SHISA9: variants seen among roughly 807,000 people sequenced by gnomAD.
The protein encoded by SHISA9 is shisa family member 9, also known as protein shisa-9.
Under a neutral mutation model 38.0 loss-of-function variants are expected in SHISA9, and 13 were observed. The ratio of observed to expected loss-of-function variants is 0.34; its 90% CI spans 0.22 to 0.54. The LOEUF (loss-of-function observed/expected upper bound fraction) is 0.54, where lower values mean the gene tolerates loss of function less well. Ranked by LOEUF, SHISA9 falls within the 20% of genes least tolerant of loss-of-function variation. The probability of loss-of-function intolerance (pLI) is 0.91; values close to 1 mark genes in which losing one functional copy is unlikely to be tolerated. For synonymous variants in SHISA9, 275 were observed against 242.0 expected, an observed-to-expected ratio of 1.14 and a Z score of -1.27; for missense variants, 538 against 575.8, an observed-to-expected ratio of 0.93 and a Z score of 0.67.
intron 2 of SHISA9, among the ~76,000 whole-genome samples, chr16:13,120,866 G>A (rs1007510074): frequency 6.6e-6 from 1 of 152,140 alleles, no homozygotes; most frequent in Non-Finnish European, 1.5e-5. Flanking sequence ...GACTTTCACA[G>A]CCCATTTTAC....
chr16:13,542,631 C>G, the SHISA9 span, among the ~76,000 whole-genome samples: 26 of 152,180 alleles, frequency 1.7e-4, no homozygotes, highest in African/African-American at 5.8e-4. Context: ...ATCCTTTCTG[C>G]TCTGTTGCCT....
the SHISA9 span, among the ~76,000 whole-genome samples, chr16:13,494,800 A>G: frequency 2.0e-5 from 3 of 152,210 alleles, no homozygotes; most frequent in Non-Finnish European, 4.4e-5. Context: ...GAAAATCCCT[A>G]TCTGTGCATG....
At chr16:12,952,464 C>T (rs2071770900) in intron 2 of SHISA9, among the ~76,000 whole-genome samples, 1 of 152,172 alleles carries the variant, frequency 6.6e-6, no homozygotes, top group African/African-American at 2.4e-5. Context: ...TGTTAGAATC[C>T]TTTTGTTCCT....
At chr16:13,358,573 C>A in the SHISA9 span, among the ~76,000 whole-genome samples, 6 of 152,200 alleles carry the variant, frequency 3.9e-5, no homozygotes, top group African/African-American at 1.4e-4. Context: ...ATTTCCTTCC[C>A]TTTCCTTTAC....
At chr16:13,507,858 C>T in the SHISA9 span, among the ~76,000 whole-genome samples, 1 of 152,176 alleles carries the variant, frequency 6.6e-6, no homozygotes, top group Admixed American at 6.6e-5. Flanking sequence ...GGTAGCCCAG[C>T]TCAAAAAGAA....
At chr16:12,992,440 A>C (rs1596569628) in intron 2 of SHISA9, among the ~76,000 whole-genome samples, 1 of 151,812 alleles carries the variant, frequency 6.6e-6, no homozygotes, top group Non-Finnish European at 1.5e-5. Flanking sequence ...GCTGAGGCAG[A>C]AGAATCGCTT....
the SHISA9 span, among the ~76,000 whole-genome samples, chr16:13,417,524 A>G: frequency 6.6e-6 from 1 of 152,206 alleles, no homozygotes; most frequent in Non-Finnish European, 1.5e-5. Context: ...CTTGTTAGCT[A>G]TTGAGTTTTC....
chr16:13,025,008 A>T (rs2134036), intron 2 of SHISA9, among the ~76,000 whole-genome samples: 31,822 of 152,092 alleles, frequency 0.21, 3,593 homozygotes, highest in East Asian at 0.41. Context: ...AATTACCTGG[A>T]CATTGATACC....
intron 2 of SHISA9, among the ~76,000 whole-genome samples, chr16:12,943,286 T>G (rs2071636202): frequency 4.5e-5 from 3 of 66,906 alleles, no homozygotes; most frequent in East Asian, 5.6e-4. Context: ...TGTGTGTGTG[T>G]GTGTGTGTGT....
intron 2 of SHISA9, among the ~76,000 whole-genome samples, chr16:12,986,604 G>A (rs905239919): frequency 2.6e-5 from 4 of 152,222 alleles, no homozygotes; most frequent in Admixed American, 6.5e-5. Flanking sequence ...TGAATCCCAC[G>A]GGGAAGATCC....
At chr16:13,539,303 CAT>C in the SHISA9 span, among the ~76,000 whole-genome samples, 6 of 53,432 alleles carry the variant, frequency 1.1e-4, no homozygotes, top group Admixed American at 2.4e-4. Context: ...CTAAATTTTA[CAT>C]ATATATATAT....
the SHISA9 span, among the ~76,000 whole-genome samples, chr16:13,291,330 T>C: frequency 6.6e-6 from 1 of 152,200 alleles, no homozygotes; most frequent in Non-Finnish European, 1.5e-5. Flanking sequence ...CCCAAGCTCT[T>C]GATAAGACTA....
At chr16:13,209,272 C>T (rs1340756344) in intron 3 of SHISA9, among the ~76,000 whole-genome samples, 1 of 152,126 alleles carries the variant, frequency 6.6e-6, no homozygotes, top group Non-Finnish European at 1.5e-5. Context: ...GATTAACATG[C>T]AATTGCCCAC....
chr16:13,298,129 A>G, the SHISA9 span, among the ~76,000 whole-genome samples: 51 of 152,252 alleles, frequency 3.3e-4, no homozygotes, highest in African/African-American at 1.2e-3. Context: ...CTTGTGACCA[A>G]TTCAATCCAT....
chr16:13,480,645 G>A, the SHISA9 span, among the ~76,000 whole-genome samples: 2 of 152,150 alleles, frequency 1.3e-5, no homozygotes, highest in African/African-American at 4.8e-5. Context: ...ACCACACAAT[G>A]TTTTGCACCC....
rs566328790 is a variant in SHISA9, at chr16:13,115,207, G to A, written c.692-88187G>A. On this transcript the variant is annotated intron_variant, in intron 2 of 4. Transcript: ENST00000558583. Reference sequence around the variant, plus strand: ...CAACCCATATTGCTGAGACCAGCTTGGTCAGGGAGACCCTAACCTATCAGC... The same window carrying A: ...CAACCCATATTGCTGAGACCAGCTTAGTCAGGGAGACCCTAACCTATCAGC... Among the ~76,000 whole-genome samples the A allele has an allele frequency of 1.1e-4, 16 of 152,236 alleles. No individual in the cohort carries two copies. The South Asian group carries it at 2.3e-3, about 22-fold the overall frequency.
chr16:12,922,456 C>T (rs1322834265), intron 2 of SHISA9, among the ~76,000 whole-genome samples: 1 of 152,238 alleles, frequency 6.6e-6, no homozygotes, highest in African/African-American at 2.4e-5. Context: ...GTGGCTATCT[C>T]ATTAGAGAGG....
At chr16:13,109,858 C>T (rs1299959008) in intron 2 of SHISA9, among the ~76,000 whole-genome samples, 1 of 152,140 alleles carries the variant, frequency 6.6e-6, no homozygotes, top group Non-Finnish European at 1.5e-5. Context: ...TTTTTTATTG[C>T]TGCATAATAT....
intron 2 of SHISA9, among the ~76,000 whole-genome samples, chr16:12,969,164 A>G (rs2072021026): frequency 1.3e-5 from 2 of 151,436 alleles, no homozygotes; most frequent in Admixed American, 6.6e-5. Flanking sequence ...CTCAAAAGAA[A>G]AAAAAAAAAA....
Sources: allele counts gnomAD v4.1 joint callset (sites outside exome capture counted in the v4.1 genomes callset), GRCh38; gene constraint gnomAD v4.1.1; transcripts MANE v1.5; gene names NCBI Gene and HGNC (gene_info 2026-07-23, HGNC 2026-07-21).